Variants in CEP128 observed in about 807,000 individuals in gnomAD.
CEP128 encodes centrosomal protein 128kDa.
CEP128 carries 132 observed loss-of-function variants against 156.7 expected under a neutral mutation model. The ratio of observed to expected loss-of-function variants is 0.84; its 90% CI spans 0.73 to 0.97. The LOEUF (loss-of-function observed/expected upper bound fraction) is 0.97. Among genes scored for constraint, CEP128 ranks in the 50% least tolerant of loss-of-function variants. The pLI is 0.00. For synonymous variants in CEP128, 469 were observed against 448.9 expected (o/e 1.04, Z -0.57); for missense variants, 1,252 against 1,281.9 (o/e 0.98, Z 0.36).
At chr14:80,643,291 G>A (rs183890008) in intron 19 of CEP128, among the ~76,000 whole-genome samples, 3 of 152,296 alleles carry the variant, frequency 2.0e-5, no homozygotes, top group East Asian at 3.9e-4. Flanking sequence ...CCAGTGAGGA[G>A]TACACAGCCC....
chr14:80,958,069 T>C (rs1886798703), intron 2 of CEP128: 1 of 152,086 alleles, frequency 6.6e-6, no homozygotes, highest in Non-Finnish European at 1.5e-5. Context: ...TCTGCAACAG[T>C]AGAAAAATGA....
At chr14:80,762,341 G>C (rs907554788) in intron 16 of CEP128, among the ~76,000 whole-genome samples, 8 of 151,996 alleles carry the variant, frequency 5.3e-5, no homozygotes, top group Admixed American at 5.2e-4. Context: ...AAAATCACTA[G>C]AATTGTATGT....
intron 9 of CEP128, among the ~76,000 whole-genome samples, chr14:80,848,668 A>G (rs1886731258): frequency 1.3e-5 from 2 of 151,734 alleles, no homozygotes; most frequent in Non-Finnish European, 1.5e-5. Flanking sequence ...TCAAAACAAA[A>G]AAAAAAAGAA....
At chr14:80,677,321 C>T (rs1302844986) in intron 19 of CEP128, among the ~76,000 whole-genome samples, 1 of 151,832 alleles carries the variant, frequency 6.6e-6, no homozygotes, top group Non-Finnish European at 1.5e-5. Context: ...ACCAGCCTGG[C>T]CAACATGGTG....
At chr14:80,940,743 C>A (rs759101633) in intron 1 of CEP128, among the ~76,000 whole-genome samples, 2 of 151,514 alleles carry the variant, frequency 1.3e-5, no homozygotes, top group Non-Finnish European at 2.9e-5. Context: ...TTCTATATTG[C>A]GCTAAATAAA....
chr14:80,514,879 T>C (rs1236382105), intron 23 of CEP128, among the ~76,000 whole-genome samples: 1 of 152,172 alleles, frequency 6.6e-6, no homozygotes, highest in African/African-American at 2.4e-5. Context: ...GGTTTCCAAG[T>C]ATTCAAAGGG....
chr14:80,791,283 C>T (rs183540212), intron 14 of CEP128, among the ~76,000 whole-genome samples: 8 of 152,158 alleles, frequency 5.3e-5, no homozygotes, highest in Admixed American at 3.9e-4. Context: ...AATTGTGATA[C>T]GACCCTAACT....
At chr14:80,522,104 T>C (rs1166535078) in intron 23 of CEP128, among the ~76,000 whole-genome samples, 2 of 152,182 alleles carry the variant, frequency 1.3e-5, no homozygotes, top group Non-Finnish European at 1.5e-5. Flanking sequence ...GCAATATCTG[T>C]AAAAATCAAC....
At chr14:80,863,002 C>A in intron 8 of CEP128, 129 bp from the exon 9 acceptor site, 2 of 561,502 alleles carry the variant, frequency 3.6e-6, no homozygotes, top group Non-Finnish European at 6.1e-6. Context: ...TTGCAAAGCC[C>A]CTTCTAATGA....
intron 19 of CEP128, among the ~76,000 whole-genome samples, chr14:80,715,794 T>A (rs181779971): frequency 8.1e-4 from 123 of 152,332 alleles, no homozygotes; most frequent in African/African-American, 2.8e-3. Flanking sequence ...TCACTGTACC[T>A]GAGTTTCTTC....
At chr14:80,610,412 C>T (rs907004976) in intron 19 of CEP128, among the ~76,000 whole-genome samples, 13 of 152,014 alleles carry the variant, frequency 8.6e-5, no homozygotes, top group African/African-American at 2.9e-4. Context: ...ACATAGATTG[C>T]TAAGTGTGGT....
intron 8 of CEP128, chr14:80,894,757 C>T: frequency 6.4e-6 from 2 of 311,632 alleles, no homozygotes; most frequent in Non-Finnish European, 1.2e-5. Context: ...GCAAATTTCA[C>T]TACAAGAGAA....
chr14:80,803,586 C>T (rs1453094408), intron 13 of CEP128, among the ~76,000 whole-genome samples: 1 of 152,020 alleles, frequency 6.6e-6, no homozygotes, highest in African/African-American at 2.4e-5. Context: ...ATCAAAGTTC[C>T]CTTAATACCA....
intron 9 of CEP128, among the ~76,000 whole-genome samples, chr14:80,850,612 C>T (rs929375936): frequency 2.0e-5 from 3 of 152,150 alleles, no homozygotes; most frequent in African/African-American, 7.2e-5. Context: ...TTTGCAGTAT[C>T]CCAAAAGAAA....
At chr14:80,596,065 A>G (rs1892304274) in intron 19 of CEP128, among the ~76,000 whole-genome samples, 2 of 151,982 alleles carry the variant, frequency 1.3e-5, no homozygotes, top group Admixed American at 1.3e-4. Context: ...AAAAAAAAAA[A>G]AAAAAAGAGG....
intron 24 of CEP128, among the ~76,000 whole-genome samples, chr14:80,500,478 C>T (rs927304746): frequency 2.6e-5 from 4 of 152,084 alleles, no homozygotes; most frequent in African/African-American, 4.8e-5. Context: ...TGAGACTTAA[C>T]AAAAAAATTA....
rs181800907 is a variant in CEP128 at position 80,490,974 on chromosome 14, G to A, written c.*11-252C>T. Among the ~76,000 whole-genome samples, 29 of 152,278 alleles carry A rather than the reference G, an allele frequency of 1.9e-4. No individual in the cohort carries two copies. The East Asian group carries it at 2.9e-3, about 15-fold the overall frequency. On this transcript the variant is annotated intron_variant, in intron 6 of 6. Coordinates refer to the CEP128 transcript ENST00000556061. Reference sequence around the variant, plus strand: ...ATGGATAGGTCTGGGGATAGCTAGAGAATATGTAATTCTAACAAGCACCCA... The same window carrying A: ...ATGGATAGGTCTGGGGATAGCTAGAAAATATGTAATTCTAACAAGCACCCA...
At chr14:80,959,342 T>G (rs1180070909) in intron 1 of CEP128, 1 of 152,214 alleles carries the variant, frequency 6.6e-6, no homozygotes, top group Non-Finnish European at 1.5e-5. Context: ...AGCAAGAGAA[T>G]AAAATTAAAA....
intron 19 of CEP128, among the ~76,000 whole-genome samples, chr14:80,600,609 G>A (rs1892539804): frequency 6.6e-6 from 1 of 152,088 alleles, no homozygotes; most frequent in Admixed American, 6.6e-5. Flanking sequence ...AATAAGTCAA[G>A]TCCACACAAA....
Sources: gnomAD v4.1 joint callset for allele counts (sites outside exome capture counted in the v4.1 genomes callset) on GRCh38, gnomAD v4.1.1 for gene constraint, MANE v1.5 for transcripts, NCBI Gene and HGNC (gene_info 2026-07-23, HGNC 2026-07-21) for gene names.